SLC2A13: variants seen among roughly 807,000 people sequenced by gnomAD.
SLC2A13 encodes the protein proton myo-inositol cotransporter.
In SLC2A13, 32 loss-of-function variants were observed where a neutral mutation model predicts 64.4. The observed-to-expected ratio is 0.50, with a 90% CI of 0.37 to 0.67. The LOEUF (loss-of-function observed/expected upper bound fraction) is 0.67. SLC2A13 is among the 30% of genes least tolerant of loss of function. The probability of loss-of-function intolerance (pLI) is 0.00; values close to 1 mark genes in which losing one functional copy is unlikely to be tolerated. For synonymous variants in SLC2A13, 338 were observed against 327.1 expected, an observed-to-expected ratio of 1.03 and a Z score of -0.36; for missense variants, 743 against 829.2, an observed-to-expected ratio of 0.90 and a Z score of 1.28.
chr12:40,005,347 A>G (rs28370649), intron 3 of SLC2A13, among the ~76,000 whole-genome samples: 2,219 of 152,138 alleles, frequency 0.015, 29 homozygotes, highest in Middle Eastern at 0.09. Context: ...AGGTACAACT[A>G]CCCTTTAGTA....
intron 4 of SLC2A13, among the ~76,000 whole-genome samples, chr12:39,929,264 C>A (rs1418896045): frequency 6.6e-6 from 1 of 152,042 alleles, no homozygotes; most frequent in Non-Finnish European, 1.5e-5. Flanking sequence ...AAAAAGAAGA[C>A]ATGGGAGGCT....
chr12:39,987,068 C>A (rs1041753810), intron 3 of SLC2A13, among the ~76,000 whole-genome samples: 1 of 152,124 alleles, frequency 6.6e-6, no homozygotes, highest in Non-Finnish European at 1.5e-5. Context: ...AAGCTATAAC[C>A]TTTTAGTTTT....
chr12:39,939,900 A>G (rs1945989642), intron 4 of SLC2A13, among the ~76,000 whole-genome samples: 1 of 152,178 alleles, frequency 6.6e-6, no homozygotes, highest in South Asian at 2.1e-4. Flanking sequence ...ATGCACATTA[A>G]AAGTCCATCT....
intron 4 of SLC2A13, among the ~76,000 whole-genome samples, chr12:39,927,347 C>T (rs993862396): frequency 1.3e-5 from 2 of 152,094 alleles, no homozygotes; most frequent in African/African-American, 4.8e-5. Context: ...AGATCAAAAA[C>T]TAAACTGAAA....
At chr12:39,769,758 A>C (rs73102528) in intron 7 of SLC2A13, among the ~76,000 whole-genome samples, 2,335 of 151,588 alleles carry the variant, frequency 0.015, 56 homozygotes, top group African/African-American at 0.051. Flanking sequence ...CAAATGTTCA[A>C]CTCCTCTCAT....
chr12:40,048,469 ATT>A (rs1948202631), intron 1 of SLC2A13, among the ~76,000 whole-genome samples: 1 of 152,166 alleles, frequency 6.6e-6, no homozygotes, highest in African/African-American at 2.4e-5. Context: ...ACCTAAGATA[ATT>A]TCAGAGTGCA....
chr12:39,962,505 T>A (rs528265756), intron 3 of SLC2A13, among the ~76,000 whole-genome samples: 1 of 152,328 alleles, frequency 6.6e-6, no homozygotes, highest in Non-Finnish European at 1.5e-5. Flanking sequence ...CAGTCACCCA[T>A]TTATGCATCT....
chr12:39,812,347 C>CTT (rs1276602799), intron 7 of SLC2A13, among the ~76,000 whole-genome samples: 1 of 101,220 alleles, frequency 9.9e-6, no homozygotes, highest in Non-Finnish European at 2.2e-5. Flanking sequence ...TTTTTCTTTT[C>CTT]TTTTCTTTTC....
intron 6 of SLC2A13, among the ~76,000 whole-genome samples, chr12:39,839,820 A>C (rs558785430): frequency 1.0e-3 from 155 of 152,110 alleles, no homozygotes; most frequent in Non-Finnish European, 1.8e-3. Context: ...TACACTTCCA[A>C]TTGCCCAGTT....
intron 1 of SLC2A13, among the ~76,000 whole-genome samples, chr12:40,081,480 G>A (rs1334210911): frequency 1.3e-5 from 2 of 152,080 alleles, no homozygotes; most frequent in Admixed American, 1.3e-4. Flanking sequence ...GGTCTATTCT[G>A]CTTTAATACT....
intron 2 of SLC2A13, 148 bp from the exon 3 acceptor site, chr12:40,028,657 A>G: frequency 1.4e-6 from 1 of 700,282 alleles, no homozygotes; most frequent in East Asian, 2.8e-5. Flanking sequence ...GTCTGTCACT[A>G]GGAAAAAAGG....
chr12:39,953,213 C>T (rs1946262535), intron 3 of SLC2A13, among the ~76,000 whole-genome samples: 1 of 151,978 alleles, frequency 6.6e-6, no homozygotes, highest in African/African-American at 2.4e-5. Flanking sequence ...GTTTGACTTG[C>T]CATAAAAACA....
intron 6 of SLC2A13, chr12:39,830,503 C>A: frequency 9.0e-7 from 1 of 1,106,664 alleles, no homozygotes; most frequent in Non-Finnish European, 1.1e-6. Flanking sequence ...GAGTCCCCAT[C>A]AATCTGGAGC....
At chr12:39,763,436 T>G (rs897435959) in intron 9 of SLC2A13, among the ~76,000 whole-genome samples, 5 of 152,106 alleles carry the variant, frequency 3.3e-5, no homozygotes, top group African/African-American at 1.2e-4. Context: ...ATGTATTTAT[T>G]CATTTGACAA....
At chr12:39,770,812 T>A (rs1338472912) in intron 7 of SLC2A13, among the ~76,000 whole-genome samples, 3 of 152,164 alleles carry the variant, frequency 2.0e-5, no homozygotes, top group African/African-American at 7.2e-5. Flanking sequence ...TCCACTTCTC[T>A]TAGGTCCTTT....
chr12:40,018,103 G>A (rs1411011123), intron 3 of SLC2A13, among the ~76,000 whole-genome samples: 2 of 152,112 alleles, frequency 1.3e-5, no homozygotes, highest in African/African-American at 4.8e-5. Context: ...GTTAAAGAAG[G>A]AATCAGCAAC....
intron 3 of SLC2A13, among the ~76,000 whole-genome samples, chr12:40,010,964 C>T (rs1423481296): frequency 1.3e-5 from 2 of 152,090 alleles, no homozygotes; most frequent in Non-Finnish European, 2.9e-5. Flanking sequence ...GATGTAGAGG[C>T]CCTAAGAAGA....
intron 1 of SLC2A13, among the ~76,000 whole-genome samples, chr12:40,097,640 T>A (rs898336611): frequency 6.6e-6 from 1 of 152,132 alleles, no homozygotes; most frequent in Non-Finnish European, 1.5e-5. Context: ...ATGTTCCACA[T>A]CACTAATCAT....
At chr12:39,849,428 A>G (rs1308358268) in intron 6 of SLC2A13, among the ~76,000 whole-genome samples, 2 of 152,084 alleles carry the variant, frequency 1.3e-5, no homozygotes, top group Non-Finnish European at 2.9e-5. Context: ...CCTGCCTCTT[A>G]TTTGTGAGAC....
Sources: allele counts gnomAD v4.1 joint callset (sites outside exome capture counted in the v4.1 genomes callset), GRCh38; gene constraint gnomAD v4.1.1; transcripts MANE v1.5; gene names NCBI Gene and HGNC (gene_info 2026-07-23, HGNC 2026-07-21).